The following EPB41 variants were observed in gnomAD, a reference collection of about 807,000 sequenced individuals.
The protein encoded by EPB41 is protein 4.1.
In EPB41, 65 loss-of-function variants were observed where a neutral mutation model predicts 108.0. That is an observed-to-expected ratio of 0.60 (90% confidence interval 0.49 to 0.74). The LOEUF is 0.74. Among genes scored for constraint, EPB41 ranks in the 30% least tolerant of loss-of-function variants. The pLI, the probability that EPB41 is intolerant of heterozygous loss-of-function variation, is 0.00. For missense variants in EPB41, 875 were observed against 1,037.0 expected, an observed-to-expected ratio of 0.84 and a Z score of 2.15; for synonymous variants, 336 against 358.9, an observed-to-expected ratio of 0.94 and a Z score of 0.72.
At chr1:29,104,029 G>A (rs1304902776) in intron 17 of EPB41, among the ~76,000 whole-genome samples, 2 of 152,098 alleles carry the variant, frequency 1.3e-5, no homozygotes, top group African/African-American at 2.4e-5. Flanking sequence ...GTTGACTTTC[G>A]AGTCAGAGTC....
intron 1 of EPB41, among the ~76,000 whole-genome samples, chr1:28,903,966 A>T (rs2091541926): frequency 6.6e-6 from 1 of 151,944 alleles, no homozygotes. Flanking sequence ...TCCCGGGTTC[A>T]AGCGATTCTC....
At chr1:28,912,825 C>CA (rs1228420191), upstream of EPB41, among the ~76,000 whole-genome samples, 4 of 152,114 alleles carry the variant, frequency 2.6e-5, no homozygotes, top group South Asian at 4.2e-4. Flanking sequence ...ACCATTTGGC[C>CA]AGGCTGGTCT....
intron 17 of EPB41, among the ~76,000 whole-genome samples, chr1:29,099,640 C>T (rs1481706741): frequency 6.6e-6 from 1 of 152,188 alleles, no homozygotes; most frequent in African/African-American, 2.4e-5. Flanking sequence ...AAATGTCTCT[C>T]ACTTTTGGTA....
chr1:29,060,328 A>G (rs1243527539), intron 14 of EPB41, 94 bp from the exon 15 acceptor site: 24 of 1,079,230 alleles, frequency 2.2e-5, no homozygotes, highest in Admixed American at 3.7e-5. Context: ...TTATTTTTAA[A>G]TATTTTTTGG....
chr1:29,079,578 T>C (rs540385608), intron 16 of EPB41, among the ~76,000 whole-genome samples: 48 of 152,052 alleles, frequency 3.2e-4, no homozygotes, highest in African/African-American at 1.1e-3. Context: ...GCCTGGCTAA[T>C]TTTTGTATTT....
chr1:28,997,396 A>G, intron 4 of EPB41, 77 bp downstream of exon 4: 1 of 874,558 alleles, frequency 1.1e-6, no homozygotes. Flanking sequence ...ATGTATCTAT[A>G]CCTGCTTCTC....
intron 4 of EPB41, among the ~76,000 whole-genome samples, chr1:29,010,424 G>A (rs1055114031): frequency 6.6e-6 from 1 of 152,250 alleles, no homozygotes; most frequent in East Asian, 1.9e-4. Context: ...CAAGAGAGGG[G>A]CTCCTGAGGT....
chr1:28,940,609 G>T (rs534109074), intron 1 of EPB41, among the ~76,000 whole-genome samples: 13 of 152,190 alleles, frequency 8.5e-5, no homozygotes, highest in Admixed American at 2.0e-4. Context: ...TCGAGATCGC[G>T]CCATTGCACT....
intron 1 of EPB41, among the ~76,000 whole-genome samples, chr1:28,935,945 T>C (rs2094005689): frequency 6.6e-6 from 1 of 151,838 alleles, no homozygotes; most frequent in Non-Finnish European, 1.5e-5. Flanking sequence ...GTTACTGTAG[T>C]TTATTATTGC....
rs184693077 is a variant in EPB41 at position 28,978,993 on chromosome 1, C to T, written c.-7-8438C>T. Among the ~76,000 whole-genome samples the T allele has an allele frequency of 4.0e-5, 6 of 151,430 alleles. No homozygotes were observed. In the East Asian group the frequency reaches 7.7e-4, roughly 19 times the overall value. The stretch of plus-strand genomic sequence containing the variant: ...CACCACAATCATGTGAGCCAATTCC[C>T]CTAGTAAATCCTCTGTCATGTATCT... On this transcript the variant is annotated intron_variant, in intron 1 of 20. Coordinates refer to ENST00000343067, the MANE Select transcript of EPB41 (RefSeq NM_001376013.1).
intron 1 of EPB41, among the ~76,000 whole-genome samples, chr1:28,944,934 C>CA (rs112947676): frequency 5.4e-4 from 82 of 151,304 alleles, no homozygotes; most frequent in African/African-American, 1.9e-3. Context: ...ACCAAAAATA[C>CA]AAAAAAATTA....
At chr1:29,090,532 C>T (rs1159679693) in intron 16 of EPB41, among the ~76,000 whole-genome samples, 96 of 152,012 alleles carry the variant, frequency 6.3e-4, no homozygotes, top group Non-Finnish European at 1.0e-4. Context: ...AGGTGGATCA[C>T]CTGAGGTCAG....
At position 28,987,604 on chromosome 1, in the gene EPB41, C is replaced by T. The variant is rs1163625664; in HGVS notation, c.167C>T (p.Ser56Phe). The part of the protein sequence containing the change: ...DNWCEQKLKA[S>F]NGDTPTHEDL... ...TGGTGTGAACAGAAGCTGAAAGCTT[C>T]TAATGGAGACACTCCTACACATGAA... The change falls in exon 2 of 21, where the codon TCT becomes TTT. Residue 56 changes from serine (S) to phenylalanine (F), a missense_variant. Ser to Phe is a radical substitution (Grantham distance 155). Transcript: ENST00000343067. 2.2e-5 allele frequency: 35 copies of T among 1,614,154 alleles called. No homozygotes were observed. Among genetic ancestry groups the T allele is most frequent in the Non-Finnish European group, 2.9e-5 (34 of 1,180,026 alleles).
intron 7 of EPB41, among the ~76,000 whole-genome samples, chr1:29,022,052 T>C (rs1558051628): frequency 1.3e-5 from 2 of 152,162 alleles, no homozygotes; most frequent in Non-Finnish European, 2.9e-5. Context: ...CTGGTAAAAA[T>C]TGGAATTTTG....
chr1:28,987,796 C>T lies in EPB41; in HGVS notation c.359C>T (p.Thr120Ile), dbSNP rs992883620. 6.2e-6 allele frequency: 10 copies of T among 1,614,136 alleles called. No individual in the cohort carries two copies. The highest frequency in any genetic ancestry group is 1.7e-5 in the Admixed American group (1 of 60,002). The change falls in exon 2 of 21, where the codon ACC becomes ATC. Residue 120 changes from threonine (T) to isoleucine (I), a missense_variant. Around this residue, in one of 3 missense-constraint regions of EPB41, gnomAD observed 353 missense variants for 393.2 expected, o/e 0.90. Transcript: ENST00000343067. ...GGTCAGAAAGAGATAGAATTTGGAA[C>T]CAGTCTTGATGAAGAGATCATTTTA... ...EGGQKEIEFG[T>I]SLDEEIILKA... is the part of the protein sequence containing the mutation.
At chr1:28,986,784 A>C (rs567981005) in intron 1 of EPB41, among the ~76,000 whole-genome samples, 1 of 152,224 alleles carries the variant, frequency 6.6e-6, no homozygotes, top group East Asian at 1.9e-4. Flanking sequence ...GAAAAAAAAA[A>C]GGGATACCTC....
intron 6 of EPB41, among the ~76,000 whole-genome samples, chr1:29,016,694 A>G (rs1327715290): frequency 6.8e-6 from 1 of 147,824 alleles, no homozygotes; most frequent in East Asian, 2.0e-4. Context: ...TGGATTCTAT[A>G]AAAATATTAA....
At chr1:28,905,060 G>A (rs1245212871) in intron 1 of EPB41, among the ~76,000 whole-genome samples, 2 of 145,860 alleles carry the variant, frequency 1.4e-5, no homozygotes, top group East Asian at 2.0e-4. Context: ...TTAGCCAGGC[G>A]TGGTGGTGGG....
chr1:28,966,698 C>T (rs2095363586), intron 1 of EPB41, among the ~76,000 whole-genome samples: 1 of 152,102 alleles, frequency 6.6e-6, no homozygotes, highest in Admixed American at 6.6e-5. Context: ...AGTAAAAACC[C>T]AAAGGAAGCA....
Sources: gnomAD v4.1 joint callset for allele counts (sites outside exome capture counted in the v4.1 genomes callset) on GRCh38, gnomAD v4.1.1 for gene constraint, gnomAD v4.1.1 regional missense constraint, MANE v1.5 for transcripts, NCBI Gene and HGNC (gene_info 2026-07-23, HGNC 2026-07-21) for gene names.